The following PRKCZ variants were observed in gnomAD, a reference collection of about 807,000 sequenced individuals.
The protein encoded by PRKCZ is protein kinase C zeta type.
PRKCZ carries 33 observed loss-of-function variants against 79.5 expected under a neutral mutation model. The ratio of observed to expected loss-of-function variants is 0.41; its 90% CI spans 0.31 to 0.55. The LOEUF (loss-of-function observed/expected upper bound fraction) is 0.55. Among genes scored for constraint, PRKCZ ranks in the 20% least tolerant of loss-of-function variants. The probability of loss-of-function intolerance (pLI) is 0.19; values close to 1 mark genes in which losing one functional copy is unlikely to be tolerated. For missense variants in PRKCZ, 578 were observed against 813.5 expected, an observed-to-expected ratio of 0.71 and a Z score of 3.52; for synonymous variants, 342 against 320.9, an observed-to-expected ratio of 1.07 and a Z score of -0.70.
At chr1:2,154,031 A>G (rs751959017) in intron 9 of PRKCZ, among the ~76,000 whole-genome samples, 17 of 152,080 alleles carry the variant, frequency 1.1e-4, no homozygotes, top group Admixed American at 9.8e-4. Context: ...AGGAGGTTCC[A>G]CTCAGTTTGG....
intron 4 of PRKCZ, among the ~76,000 whole-genome samples, chr1:2,107,776 A>G (rs1447205237): frequency 1.3e-5 from 2 of 151,662 alleles, no homozygotes; most frequent in Non-Finnish European, 2.9e-5. Flanking sequence ...AACACCCAGC[A>G]GCATCCAGGG....
At chr1:2,135,098 CAG>C (rs1675908250) in intron 4 of PRKCZ, 162 bp from the exon 5 acceptor site, 1 of 571,250 alleles carries the variant, frequency 1.8e-6, no homozygotes, top group Non-Finnish European at 3.1e-6. Context: ...TGAGGAGGGG[CAG>C]AGAGAGGCCT....
At chr1:2,108,440 G>A (rs552611639) in intron 4 of PRKCZ, among the ~76,000 whole-genome samples, 229 of 152,336 alleles carry the variant, frequency 1.5e-3, no homozygotes, top group Non-Finnish European at 2.8e-3. Flanking sequence ...GCCTGGGTGC[G>A]TGGGGCCGTG....
intron 4 of PRKCZ, among the ~76,000 whole-genome samples, chr1:2,130,658 T>C (rs1674778111): frequency 6.6e-6 from 1 of 151,950 alleles, no homozygotes; most frequent in Non-Finnish European, 1.5e-5. Flanking sequence ...CTTAGGGAGC[T>C]CAGCCTTTGC....
intron 4 of PRKCZ, among the ~76,000 whole-genome samples, chr1:2,102,488 A>T (rs552261894): frequency 2.0e-5 from 3 of 151,530 alleles, no homozygotes; most frequent in East Asian, 3.9e-4. Context: ...GCCCACCACC[A>T]CGTCCCGCTA....
upstream of PRKCZ, chr1:2,050,365 C>T (rs906561531): frequency 2.3e-4 from 39 of 167,760 alleles, no homozygotes; most frequent in African/African-American, 7.2e-4. Context: ...CGCCCCGGGA[C>T]CGCCCGCCCC....
At chr1:2,109,529 C>T (rs770371997) in intron 4 of PRKCZ, among the ~76,000 whole-genome samples, 3 of 152,196 alleles carry the variant, frequency 2.0e-5, no homozygotes, top group Non-Finnish European at 4.4e-5. Context: ...CTCCCTTGGA[C>T]GGTTGAGCAG....
At chr1:2,135,559 G>A (rs1359599631) in intron 5 of PRKCZ, among the ~76,000 whole-genome samples, 2 of 152,254 alleles carry the variant, frequency 1.3e-5, no homozygotes, top group Non-Finnish European at 2.9e-5. Flanking sequence ...TTCCCTGCGT[G>A]GTGGCTGCCC....
intron 4 of PRKCZ, among the ~76,000 whole-genome samples, chr1:2,091,182 C>T (rs1198053527): frequency 6.6e-6 from 1 of 152,174 alleles, no homozygotes. Flanking sequence ...CAGGCGCTTG[C>T]CACCATGCCC....
intron 2 of PRKCZ, 100 bp downstream of exon 2, chr1:2,055,662 C>T: frequency 6.8e-7 from 1 of 1,468,004 alleles, no homozygotes; most frequent in Non-Finnish European, 9.1e-7. Flanking sequence ...TGTGGGGAGA[C>T]TTAAAGCTGT....
intron 9 of PRKCZ, among the ~76,000 whole-genome samples, chr1:2,154,325 C>G (rs1680509627): frequency 6.6e-6 from 1 of 152,084 alleles, no homozygotes; most frequent in Non-Finnish European, 1.5e-5. Flanking sequence ...GCTGGGAGCT[C>G]TCGGCGTGGA....
At chr1:2,095,573 C>T (rs1184090675) in intron 4 of PRKCZ, among the ~76,000 whole-genome samples, 2 of 152,078 alleles carry the variant, frequency 1.3e-5, no homozygotes, top group Non-Finnish European at 2.9e-5. Context: ...TCGCGCTTTG[C>T]GTCAGATGCG....
intron 4 of PRKCZ, among the ~76,000 whole-genome samples, chr1:2,109,569 C>G (rs993057629): frequency 6.6e-6 from 1 of 152,186 alleles, no homozygotes; most frequent in Non-Finnish European, 1.5e-5. Context: ...CGGCTGTGGG[C>G]GGAGGGGGTC....
intron 10 of PRKCZ, among the ~76,000 whole-genome samples, chr1:2,162,787 T>C (rs1682572777): frequency 6.6e-6 from 1 of 152,196 alleles, no homozygotes; most frequent in South Asian, 2.1e-4. Context: ...TTCATCTCGT[T>C]TCTGTTATAA....
chr1:2,084,077 C>G (rs967440890), intron 4 of PRKCZ, among the ~76,000 whole-genome samples: 1 of 152,222 alleles, frequency 6.6e-6, no homozygotes, highest in South Asian at 2.1e-4. Flanking sequence ...ACTAAAAATA[C>G]AAAAATTAGC....
chr1:2,131,122 C>T (rs771336831), intron 4 of PRKCZ, among the ~76,000 whole-genome samples: 2 of 152,146 alleles, frequency 1.3e-5, no homozygotes, highest in African/African-American at 4.8e-5. Flanking sequence ...CTTGAATCCC[C>T]GCCTCTCACT....
At chr1:2,118,744 T>TGC (rs1671259795) in intron 4 of PRKCZ, among the ~76,000 whole-genome samples, 1 of 148,926 alleles carries the variant, frequency 6.7e-6, no homozygotes, top group African/African-American at 2.5e-5. Context: ...TGTGTGTGTG[T>TGC]GTGTGTGTGT....
chr1:2,097,916 T>A (rs1284919129), intron 4 of PRKCZ, among the ~76,000 whole-genome samples: 1 of 152,222 alleles, frequency 6.6e-6, no homozygotes, highest in African/African-American at 2.4e-5. Flanking sequence ...AGCCAGTCCC[T>A]GCTGCTGTGT....
intron 8 of PRKCZ, among the ~76,000 whole-genome samples, chr1:2,150,337 T>C (rs974940780): frequency 9.9e-5 from 15 of 152,190 alleles, no homozygotes; most frequent in East Asian, 1.9e-4. Flanking sequence ...TTTCTAATAA[T>C]GTGTGCCTGC....
Sources: allele counts gnomAD v4.1 joint callset (sites outside exome capture counted in the v4.1 genomes callset), GRCh38; gene constraint gnomAD v4.1.1; transcripts MANE v1.5; gene names NCBI Gene and HGNC (gene_info 2026-07-23, HGNC 2026-07-21).